The following NCOR2 variants were observed in gnomAD, a reference collection of about 807,000 sequenced individuals.
NCOR2 encodes the protein nuclear receptor corepressor 2.
A neutral mutation model predicts 262.9 loss-of-function variants in NCOR2; 81 were observed. The observed-to-expected ratio is 0.31, with a 90% CI of 0.26 to 0.37. The LOEUF (loss-of-function observed/expected upper bound fraction) is 0.37, where lower values mean the gene tolerates loss of function less well. Among genes scored for constraint, NCOR2 ranks in the 10% least tolerant of loss-of-function variants. The pLI is 1.00. For missense variants in NCOR2, 3,385 were observed against 3,621.4 expected (o/e 0.93, Z 1.68); for synonymous variants, 1,659 against 1,559.3 (o/e 1.06, Z -1.51).
At chr12:124,564,656 C>T (rs1350638550) in intron 1 of NCOR2, among the ~76,000 whole-genome samples, 1 of 151,870 alleles carries the variant, frequency 6.6e-6, no homozygotes, top group Non-Finnish European at 1.5e-5. Context: ...AGACAGGACC[C>T]CAGGAGAACC....
At position 124,440,265 on chromosome 12, in the gene NCOR2, C is replaced by T. The variant is rs1352155292; in HGVS notation, c.816-2269G>A. Among the ~76,000 whole-genome samples, 7 of 152,196 alleles carry T rather than the reference C, an allele frequency of 4.6e-5. No homozygotes were observed. The highest frequency in any genetic ancestry group is 4.1e-4 in the South Asian group (2 of 4,830). The stretch of plus-strand genomic sequence containing the variant: ...GCCACGCTATGTCCAGCCCCCGGGA[C>T]CCCAGCCCCATTGGAAACAGGAAAA... On this transcript the variant is annotated intron_variant, in intron 7 of 46. Coordinates refer to ENST00000405201, the Ensembl canonical transcript of NCOR2. This position sits in a 1 kb window ranked among gnomAD's most constrained non-coding sequence, Gnocchi z 5.7.
chr12:124,340,441 C>T (rs758475054), exon 36 of NCOR2: 2 of 1,611,710 alleles, frequency 1.2e-6, no homozygotes, highest in East Asian at 4.5e-5. Flanking sequence ...TGTGTTGGAC[C>T]TCCTAGGAAA....
At chr12:124,353,555 G>A (rs1005471558) in intron 27 of NCOR2, among the ~76,000 whole-genome samples, 21 of 152,222 alleles carry the variant, frequency 1.4e-4, no homozygotes, top group Non-Finnish European at 1.5e-4. Flanking sequence ...CTGTGTTCTA[G>A]AGCCAGACAC....
intron 1 of NCOR2, among the ~76,000 whole-genome samples, chr12:124,508,754 T>C (rs2049199210): frequency 6.6e-6 from 1 of 152,044 alleles, no homozygotes; most frequent in Admixed American, 6.5e-5. Context: ...ACACTGACTA[T>C]AAAACCAACC....
At chr12:124,469,485 G>T (rs769911615) in intron 4 of NCOR2, among the ~76,000 whole-genome samples, 1 of 152,162 alleles carries the variant, frequency 6.6e-6, no homozygotes, top group Non-Finnish European at 1.5e-5. Flanking sequence ...GGGTGGGCAG[G>T]AGGGAGGCTC....
At chr12:124,491,571 G>A (rs573306327) in intron 1 of NCOR2, among the ~76,000 whole-genome samples, 9 of 152,316 alleles carry the variant, frequency 5.9e-5, no homozygotes, top group African/African-American at 1.2e-4. Flanking sequence ...AAAGAGTCAC[G>A]CTGGGATTCA....
chr12:124,398,111 C>A lies in NCOR2; in HGVS notation c.1876+8G>T, dbSNP rs1264914817. Reference sequence around the variant, plus strand: ...CAACAAGGCTTAAAGCCGCCACACACCCCTCACCTTTCTTGGCTGTTTCCA... The same window carrying A: ...CAACAAGGCTTAAAGCCGCCACACAACCCTCACCTTTCTTGGCTGTTTCCA... On this transcript the variant is annotated splice_region_variant and intron_variant, in intron 16 of 46. Transcript: ENST00000405201. 6.2e-7 allele frequency: 1 copy of A among 1,614,220 alleles called. No individual in the cohort carries two copies. The highest frequency in any genetic ancestry group is 1.7e-5 in the Admixed American group (1 of 60,032).
intron 20 of NCOR2, among the ~76,000 whole-genome samples, chr12:124,365,010 T>C (rs910787027): frequency 4.1e-5 from 6 of 147,034 alleles, no homozygotes; most frequent in African/African-American, 1.3e-4. Context: ...GCCCAGCCTA[T>C]GTTTGGGGGT....
At chr12:124,465,517 G>C (rs2046374895) in intron 5 of NCOR2, among the ~76,000 whole-genome samples, 1 of 152,126 alleles carries the variant, frequency 6.6e-6, no homozygotes, top group African/African-American at 2.4e-5. Flanking sequence ...GCCCCCAGTG[G>C]GATCTCCATG....
rs1380258064 is a variant in NCOR2 at position 124,504,354 on chromosome 12, A to C, written c.-117-8986T>G. 6.6e-6 allele frequency among the ~76,000 whole-genome samples: 1 copy of C among 152,188 alleles called. No individual in the cohort carries two copies. The highest frequency in any genetic ancestry group is 2.4e-5 in the African/African-American group (1 of 41,440). The stretch of plus-strand genomic sequence containing the variant: ...CCCAGGGTCAGCTCAGCTAAGCCCC[A>C]GAGACCAGCTCTTATAAAGAGGGAT... On this transcript the variant is annotated intron_variant, in intron 1 of 46. Transcript: ENST00000404621. The surrounding 1 kb of genome is among the most constrained non-coding windows in gnomAD (Gnocchi z 4.5).
chr12:124,344,965 G>T lies in NCOR2; in HGVS notation c.4360-14C>A. On this transcript the variant is annotated splice_polypyrimidine_tract_variant and intron_variant, in intron 31 of 46. Transcript: ENST00000405201. Reference sequence around the variant, plus strand: ...GAGCGGGGTGCCCTGGGGCAGAGGGGATGTAAGCTCTAGCCCTGGCCACAG... The same window carrying T: ...GAGCGGGGTGCCCTGGGGCAGAGGGTATGTAAGCTCTAGCCCTGGCCACAG... 3 of 1,522,018 alleles carry T rather than the reference G, an allele frequency of 2.0e-6. No homozygotes were observed. Among genetic ancestry groups the T allele is most frequent in the East Asian group, 4.9e-5 (2 of 40,846 alleles). The allele number at this position is 1,522,018 out of a possible 1,614,324, so 94.3% of individuals were successfully genotyped here.
intron 20 of NCOR2, among the ~76,000 whole-genome samples, chr12:124,366,293 G>A (rs2039030973): frequency 6.6e-6 from 1 of 152,208 alleles, no homozygotes; most frequent in Non-Finnish European, 1.5e-5. Context: ...GCTATGACGT[G>A]GGTGGACCCT....
At chr12:124,329,271 G>A (rs755527366) in intron 44 of NCOR2, 2 of 388,206 alleles carry the variant, frequency 5.2e-6, no homozygotes, top group Non-Finnish European at 5.2e-6. Context: ...AGATCAGCCT[G>A]GCCAATATGA....
chr12:124,487,011 T>C (rs2047799158), intron 1 of NCOR2, among the ~76,000 whole-genome samples: 2 of 152,188 alleles, frequency 1.3e-5, no homozygotes, highest in Admixed American at 1.3e-4. Context: ...CACCCCATCC[T>C]ACCCCTGCCA....
chr12:124,337,426 G>A (rs1391172764), intron 37 of NCOR2: 5 of 685,928 alleles, frequency 7.3e-6, no homozygotes, highest in Non-Finnish European at 1.3e-5. Flanking sequence ...GCCAGGCACT[G>A]TTCTAGACAC....
intron 22 of NCOR2, among the ~76,000 whole-genome samples, chr12:124,358,895 A>G (rs1363871506): frequency 6.6e-6 from 1 of 152,212 alleles, no homozygotes; most frequent in Non-Finnish European, 1.5e-5. Flanking sequence ...CCCATTTCAC[A>G]GACGGGAAAA....
intron 12 of NCOR2, among the ~76,000 whole-genome samples, chr12:124,421,464 C>T (rs2043199821): frequency 6.6e-6 from 1 of 152,254 alleles, no homozygotes; most frequent in Admixed American, 6.5e-5. Flanking sequence ...ATTTATAGGG[C>T]TTGTTTCTCC....
At chr12:124,379,236 G>A (rs1366312273) in intron 17 of NCOR2, among the ~76,000 whole-genome samples, 1 of 152,064 alleles carries the variant, frequency 6.6e-6, no homozygotes, top group Non-Finnish European at 1.5e-5. Flanking sequence ...TCATCGTCGG[G>A]CCTCCACTTT....
intron 1 of NCOR2, among the ~76,000 whole-genome samples, chr12:124,534,654 T>A (rs2051030548): frequency 6.6e-6 from 1 of 152,170 alleles, no homozygotes; most frequent in African/African-American, 2.4e-5. Flanking sequence ...AGCCCTGCAA[T>A]GCCCTCAGCG....
Sources: gnomAD v4.1 joint callset for allele counts (sites outside exome capture counted in the v4.1 genomes callset) on GRCh38, gnomAD v4.1.1 for gene constraint, Gnocchi (gnomAD v3.1) non-coding constraint, MANE v1.5 for transcripts, NCBI Gene and HGNC (gene_info 2026-07-23, HGNC 2026-07-21) for gene names.